OPCML: variants seen among roughly 807,000 people sequenced by gnomAD.
OPCML encodes the protein opioid-binding protein/cell adhesion molecule.
Under a neutral mutation model 37.8 loss-of-function variants are expected in OPCML, and 13 were observed. That is an observed-to-expected ratio of 0.34 (90% CI 0.22 to 0.55). The LOEUF is 0.55. Among genes scored for constraint, OPCML ranks in the 20% least tolerant of loss-of-function variants. The probability of loss-of-function intolerance (pLI) is 0.91; values close to 1 mark genes in which losing one functional copy is unlikely to be tolerated. For missense variants in OPCML, 341 were observed against 435.6 expected (o/e 0.78, Z 1.93); for synonymous variants, 176 against 168.8 (o/e 1.04, Z -0.33).
intron 1 of OPCML, among the ~76,000 whole-genome samples, chr11:133,035,873 C>T (rs918373884): frequency 1.3e-5 from 2 of 151,956 alleles, no homozygotes; most frequent in Non-Finnish European, 2.9e-5. Context: ...ATGGGCGCAG[C>T]GGCACAGACA....
chr11:133,142,111 T>A (rs1394004729), intron 1 of OPCML, among the ~76,000 whole-genome samples: 1 of 152,254 alleles, frequency 6.6e-6, no homozygotes, highest in East Asian at 1.9e-4. Context: ...GTAGTACTTA[T>A]TAATATTATT....
intron 2 of OPCML, among the ~76,000 whole-genome samples, chr11:132,733,577 G>C (rs79145488): frequency 6.6e-6 from 1 of 152,080 alleles, no homozygotes; most frequent in Non-Finnish European, 1.5e-5. Flanking sequence ...ATAATTGTGC[G>C]GCCTTTTGAG....
intron 1 of OPCML, among the ~76,000 whole-genome samples, chr11:133,085,099 G>GT (rs1948799611): frequency 6.6e-6 from 1 of 152,152 alleles, no homozygotes; most frequent in South Asian, 2.1e-4. Context: ...TAATGTTGAA[G>GT]TTCATCCTTC....
chr11:132,603,757 T>C (rs188249816), intron 3 of OPCML, among the ~76,000 whole-genome samples: 1 of 152,336 alleles, frequency 6.6e-6, no homozygotes, highest in Admixed American at 6.5e-5. Flanking sequence ...GATTGTACTC[T>C]AGCAATACTA....
intron 4 of OPCML, among the ~76,000 whole-genome samples, chr11:132,520,492 CAT>C (rs2096290190): frequency 6.6e-6 from 1 of 151,966 alleles, no homozygotes; most frequent in Non-Finnish European, 1.5e-5. Flanking sequence ...CTTATATAAG[CAT>C]ATATAGGAAT....
chr11:133,095,309 T>C (rs1948984441), intron 1 of OPCML, among the ~76,000 whole-genome samples: 1 of 108,870 alleles, frequency 9.2e-6, no homozygotes, highest in Non-Finnish European at 1.8e-5. Context: ...TTTTTGCAGC[T>C]GCACGTGTAT....
chr11:132,623,117 A>G (rs944401672), intron 3 of OPCML, among the ~76,000 whole-genome samples: 1 of 152,158 alleles, frequency 6.6e-6, no homozygotes, highest in Non-Finnish European at 1.5e-5. Context: ...AAAGGGGAAA[A>G]ACACACACAT....
chr11:133,225,929 T>C (rs1311513395), intron 1 of OPCML, among the ~76,000 whole-genome samples: 1 of 152,242 alleles, frequency 6.6e-6, no homozygotes, highest in Non-Finnish European at 1.5e-5. Context: ...CAGCTTCCCA[T>C]GCATTACATC....
rs530880262 is a variant in OPCML at position 133,319,663 on chromosome 11, G to A, written c.61+212601C>T. Among the ~76,000 whole-genome samples, 9 of 152,262 alleles carry A rather than the reference G, an allele frequency of 5.9e-5. No homozygotes were observed. The South Asian group carries it at 1.9e-3, about 32-fold the overall frequency. On this transcript the variant is annotated intron_variant, in intron 1 of 7. Transcript: ENST00000524381. Reference sequence around the variant, plus strand: ...TCTGCCACATCTTCAATGGCTGTAAGTCCGAGCCTGTCTAAGCCTTAACTG... The same window carrying A: ...TCTGCCACATCTTCAATGGCTGTAAATCCGAGCCTGTCTAAGCCTTAACTG...
intron 1 of OPCML, among the ~76,000 whole-genome samples, chr11:133,069,129 T>C (rs1464026298): frequency 6.6e-6 from 1 of 152,208 alleles, no homozygotes; most frequent in East Asian, 1.9e-4. Context: ...TTACTTGCTA[T>C]GTGGAATAAG....
At chr11:133,270,916 C>A (rs1223237845) in intron 1 of OPCML, among the ~76,000 whole-genome samples, 1 of 152,138 alleles carries the variant, frequency 6.6e-6, no homozygotes, top group Non-Finnish European at 1.5e-5. Flanking sequence ...GGGACGTTAG[C>A]CTGAGGAAGC....
At chr11:133,150,617 A>C (rs1949965799) in intron 1 of OPCML, among the ~76,000 whole-genome samples, 1 of 152,156 alleles carries the variant, frequency 6.6e-6, no homozygotes, top group South Asian at 2.1e-4. Flanking sequence ...TGTGGGATGC[A>C]GGCTGCCTCA....
chr11:133,380,654 T>C (rs1208913452), intron 1 of OPCML, among the ~76,000 whole-genome samples: 32 of 152,218 alleles, frequency 2.1e-4, no homozygotes, highest in Non-Finnish European at 2.9e-5. Flanking sequence ...TCTTTAAATA[T>C]TTTTTAATCA....
At position 133,212,690 on chromosome 11, in the gene OPCML, G is replaced by T. The variant is rs111455147; in HGVS notation, c.62-269680C>A. Among the ~76,000 whole-genome samples, 1 of 152,240 alleles carries T rather than the reference G, an allele frequency of 6.6e-6. No homozygotes were observed. The highest frequency in any genetic ancestry group is 2.1e-4 in the South Asian group (1 of 4,816). On this transcript the variant is annotated intron_variant, in intron 1 of 7. Transcript: ENST00000524381. The surrounding 1 kb of genome is among the most constrained non-coding windows in gnomAD (Gnocchi z 4.9). ...TTGTCTGTCCTCTGCTAGAACAGAG[G>T]CTCCATGATTATATGGCTCTGTGTC...
chr11:132,628,359 T>C (rs1434237012), intron 3 of OPCML, among the ~76,000 whole-genome samples: 1 of 152,218 alleles, frequency 6.6e-6, no homozygotes, highest in Non-Finnish European at 1.5e-5. Flanking sequence ...CAAATTTTAC[T>C]GGCAACAAAA....
intron 3 of OPCML, among the ~76,000 whole-genome samples, chr11:132,555,439 A>C (rs1386394093): frequency 6.6e-6 from 1 of 152,156 alleles, no homozygotes; most frequent in Non-Finnish European, 1.5e-5. Flanking sequence ...ATTCACTACC[A>C]CAAAAACAAT....
At chr11:132,463,444 G>T (rs2096109541) in intron 4 of OPCML, among the ~76,000 whole-genome samples, 1 of 152,168 alleles carries the variant, frequency 6.6e-6, no homozygotes, top group South Asian at 2.1e-4. Flanking sequence ...TGTCCTTAGG[G>T]AACTAGCTAA....
intron 1 of OPCML, chr11:133,361,539 C>G (rs531896147): frequency 1.9e-4 from 29 of 156,706 alleles, no homozygotes; most frequent in Admixed American, 1.8e-3. Context: ...TGTCCCGGCG[C>G]GCAGACAGGT....
intron 1 of OPCML, among the ~76,000 whole-genome samples, chr11:132,998,522 T>C (rs759433606): frequency 6.6e-6 from 1 of 152,208 alleles, no homozygotes; most frequent in Non-Finnish European, 1.5e-5. Flanking sequence ...TTTTCATAGA[T>C]GTTCATAACC....
Sources: gnomAD v4.1 joint callset for allele counts (sites outside exome capture counted in the v4.1 genomes callset) on GRCh38, gnomAD v4.1.1 for gene constraint, Gnocchi (gnomAD v3.1) non-coding constraint, MANE v1.5 for transcripts, NCBI Gene and HGNC (gene_info 2026-07-23, HGNC 2026-07-21) for gene names.